MCFD2: variants seen among roughly 807,000 people sequenced by gnomAD.
MCFD2 encodes multiple coagulation factor deficiency protein 2.
Under a neutral mutation model 12.8 loss-of-function variants are expected in MCFD2, and 11 were observed. That is an observed-to-expected ratio of 0.86 (90% CI 0.54 to 1.42). The LOEUF (loss-of-function observed/expected upper bound fraction) is 1.42, where lower values mean the gene tolerates loss of function less well. MCFD2 is among the 40% of genes most tolerant of loss of function. MCFD2 has a pLI of 0.00. For missense variants in MCFD2, 191 were observed against 178.6 expected (o/e 1.07, Z -0.40); for synonymous variants, 70 against 68.1 (o/e 1.03, Z -0.14).
Position 46,907,828 on chromosome 2 carries a change from G to A in MCFD2, c.291C>T (p.Ile97=). 1 of 1,614,178 alleles carries A rather than the reference G, an allele frequency of 6.2e-7. No individual in the cohort carries two copies. The highest frequency in any genetic ancestry group is 8.5e-7 in the Non-Finnish European group (1 of 1,180,034). Residue 97 remains isoleucine (I), a synonymous_variant, in exon 3 of 4, where the codon ATC becomes ATT. Transcript: ENST00000319466. The surrounding 1 kb of genome is among the most constrained non-coding windows in gnomAD (Gnocchi z 4.1). ...GACCTACCTCCTTATGGACATGAGT[G>A]ATGGCTGTGGAGAGTTCTAAGCCAT... ...LLDGLELSTA[I]THVHKEEGSE...
chr2:46,934,789 T>C (rs9917182), intron 1 of MCFD2, among the ~76,000 whole-genome samples: 14,603 of 36,692 alleles, frequency 0.4, 1,671 homozygotes, highest in East Asian at 0.54. Flanking sequence ...CTACTGCTCT[T>C]TTTTTTTTTT....
intron 1 of MCFD2, among the ~76,000 whole-genome samples, chr2:46,939,010 C>CAAA (rs1190579295): frequency 2.6e-5 from 2 of 76,990 alleles, no homozygotes; most frequent in African/African-American, 4.4e-5. Context: ...GACTCTGTCT[C>CAAA]AAAAAAAAAA....
upstream of MCFD2, among the ~76,000 whole-genome samples, chr2:46,920,112 C>T (rs955080827): frequency 6.6e-6 from 1 of 152,178 alleles, no homozygotes; most frequent in Non-Finnish European, 1.5e-5. Context: ...TCAAAGCACA[C>T]ATCACTCCTA....
rs926500408 is a variant in MCFD2, at chr2:46,904,388, A to C, written c.*1075T>G. ...GATCCACCAACAGCTTGCACCGTGC[A>C]CCTGGAAAAGCCGCAGGCACTGAAC... On this transcript the variant is annotated 3_prime_UTR_variant, in exon 4 of 4. Transcript: ENST00000319466. 23 of 156,730 alleles carry C rather than the reference A, an allele frequency of 1.5e-4. No individual in the cohort carries two copies. Among genetic ancestry groups the C allele is most frequent in the African/African-American group, 5.1e-4 (21 of 41,520 alleles). The allele number at this position is 156,730 out of a possible 1,614,324, so 9.7% of individuals were successfully genotyped here. A position where few individuals can be genotyped will look rare whatever the true frequency, so the allele number is the denominator to read the frequency against.
chr2:46,937,484 GT>G lies in MCFD2; in HGVS notation c.-8+4087del, dbSNP rs1670038954. On this transcript the variant is annotated intron_variant, in intron 1 of 2. Coordinates refer to the MCFD2 transcript ENST00000409147. The surrounding 1 kb of genome is among the most constrained non-coding windows in gnomAD (Gnocchi z 4.0). ...CAAGGCCTAAATGGGACTTCGAATTGTTTTAGGAACATATCATCCAGAGCAG... is the reference window on the plus strand; with the variant it reads ...CAAGGCCTAAATGGGACTTCGAATTGTTTAGGAACATATCATCCAGAGCAG... 6.6e-6 allele frequency among the ~76,000 whole-genome samples: 1 copy of G among 152,164 alleles called. No individual in the cohort carries two copies. Among genetic ancestry groups the G allele is most frequent in the African/African-American group, 2.4e-5 (1 of 41,428 alleles).
upstream of MCFD2, chr2:46,915,872 G>A (rs981812078): frequency 1.7e-5 from 16 of 967,506 alleles, no homozygotes; most frequent in African/African-American, 2.4e-4. Flanking sequence ...GCCCATTGGC[G>A]CCGCCGGGCC....
At position 46,940,517 on chromosome 2, in the gene MCFD2, T is replaced by C. The variant is rs1444614799; in HGVS notation, c.-8+1055A>G. Among the ~76,000 whole-genome samples, 2 of 152,196 alleles carry C rather than the reference T, an allele frequency of 1.3e-5. No individual in the cohort carries two copies. The highest frequency in any genetic ancestry group is 4.1e-4 in the South Asian group (2 of 4,828). ...CCCACAGCCCTGGGCTAAACCCTGC[T>C]AAGCACTCCATAGAGCTTTGATCAC... On this transcript the variant is annotated intron_variant, in intron 1 of 2. Coordinates refer to the MCFD2 transcript ENST00000409147. This position sits in a 1 kb window ranked among gnomAD's most constrained non-coding sequence, Gnocchi z 4.7.
Position 46,915,805 on chromosome 2 carries a change from C to CGGGGGGGGGGGGGGGGGGGGGGGGGGG in MCFD2, c.-90_-89insCCCCCCCCCCCCCCCCCCCCCCCCCCC. The CGGGGGGGGGGGGGGGGGGGGGGGGGGG allele has an allele frequency of 1.6e-5, 6 of 368,314 alleles. No individual in the cohort carries two copies. The highest frequency in any genetic ancestry group is 1.8e-5 in the Non-Finnish European group (6 of 327,196). 22.8% of individuals were successfully genotyped at this position (368,314 alleles called of 1,614,324 possible). ...TCCCCAAAACGCTCTTCCTCGGCTT[C>CGGGGGGGGGGGGGGGGGGGGGGGGGGG]GCCCCGCCCCCCCCCCCCCCCCGAC... On this transcript the variant is annotated 5_prime_UTR_variant, in exon 1 of 4. Coordinates refer to ENST00000319466, the MANE Select transcript of MCFD2 (RefSeq NM_139279.6).
Position 46,922,906 on chromosome 2 carries a change from G to A in MCFD2, c.-7-14937C>T, listed in dbSNP as rs1049337173. 7.2e-5 allele frequency among the ~76,000 whole-genome samples: 11 copies of A among 152,258 alleles called. No homozygotes were observed. In the South Asian group the frequency reaches 2.1e-3, roughly 29 times the overall value. On this transcript the variant is annotated intron_variant, in intron 1 of 2. Coordinates refer to the MCFD2 transcript ENST00000409147. ...AACAGCCCTCTCTTTCCCACCAGTC[G>A]CAAGTCCAAGGCCCCTAAAACATCT...
Position 46,907,656 on chromosome 2 carries a change from C to T in MCFD2, c.309+154G>A, listed in dbSNP as rs1668299724. On this transcript the variant is annotated intron_variant, in intron 3 of 3. Transcript: ENST00000319466. This position sits in a 1 kb window ranked among gnomAD's most constrained non-coding sequence, Gnocchi z 4.1. ...AAGTGATCCTTCCACTTTGGCCTCC[C>T]AAAGTGCTGGGATTACAGATGCGAG... The T allele has an allele frequency of 3.5e-6, 3 of 846,574 alleles. No individual in the cohort carries two copies. The highest frequency in any genetic ancestry group is 4.0e-5 in the Admixed American group (2 of 49,692). 52.4% of individuals were successfully genotyped at this position (846,574 alleles called of 1,614,324 possible). A position where few individuals can be genotyped will look rare whatever the true frequency, so the allele number is the denominator to read the frequency against.
intron 1 of MCFD2, among the ~76,000 whole-genome samples, chr2:46,931,803 A>AT (rs779329389): frequency 6.6e-6 from 1 of 152,244 alleles, no homozygotes; most frequent in Non-Finnish European, 1.5e-5. Flanking sequence ...GATTTAGTTC[A>AT]TAAGACCTAC....
intron 1 of MCFD2, among the ~76,000 whole-genome samples, chr2:46,926,839 T>C (rs769697759): frequency 6.6e-6 from 1 of 152,226 alleles, no homozygotes; most frequent in Non-Finnish European, 1.5e-5. Flanking sequence ...ACAGAGGTTG[T>C]TAAACACTGC....
upstream of MCFD2, among the ~76,000 whole-genome samples, chr2:46,917,748 C>T (rs979778299): frequency 2.0e-5 from 3 of 152,208 alleles, no homozygotes; most frequent in African/African-American, 4.8e-5. Context: ...CCATGCAAAT[C>T]TAGTGGTCTC....
chr2:46,903,624 T>C lies in MCFD2; in HGVS notation c.*1839A>G, dbSNP rs1668100036. 6.6e-6 allele frequency: 1 copy of C among 152,238 alleles called. No individual in the cohort carries two copies. Among genetic ancestry groups the C allele is most frequent in the African/African-American group, 2.4e-5 (1 of 41,448 alleles). 9.4% of individuals were successfully genotyped at this position (152,238 alleles called of 1,614,324 possible). A position where few individuals can be genotyped will look rare whatever the true frequency, so the allele number is the denominator to read the frequency against. On this transcript the variant is annotated 3_prime_UTR_variant, in exon 4 of 4. Coordinates refer to ENST00000319466, the MANE Select transcript of MCFD2 (RefSeq NM_139279.6). ...ACTGGAGTAAAGGTGACTCTTGTTA[T>C]GTTTTAGCAAAGAGACTGGCAGCAT...
At chr2:46,912,343 A>T (rs553790497) in intron 1 of MCFD2, among the ~76,000 whole-genome samples, 22 of 152,320 alleles carry the variant, frequency 1.4e-4, no homozygotes, top group African/African-American at 4.6e-4. Flanking sequence ...TCTCAAAAAA[A>T]TTTTTTAAAC....
In MCFD2 at chr2:46,903,401, T is replaced by C. The variant is rs1668090500; in HGVS notation, c.*2062A>G. On this transcript the variant is annotated 3_prime_UTR_variant, in exon 4 of 4. Transcript: ENST00000319466. ...GGACCTGCTGAAGAAATACCCAAAA[T>C]GTGGAAGTGACTTTGGAACTGGGTA... The C allele has an allele frequency of 1.3e-5, 2 of 152,708 alleles. No individual in the cohort carries two copies. The highest frequency in any genetic ancestry group is 2.9e-5 in the Non-Finnish European group (2 of 68,454). The allele number at this position is 152,708 out of a possible 1,614,324, so 9.5% of individuals were successfully genotyped here.
At position 46,941,068 on chromosome 2, in the gene MCFD2, G is replaced by A. The variant is rs1270716846; in HGVS notation, c.-8+504C>T. 2.0e-5 allele frequency: 3 copies of A among 149,698 alleles called. No homozygotes were observed. In the South Asian group the frequency reaches 5.5e-4, roughly 27 times the overall value. 9.3% of individuals were successfully genotyped at this position (149,698 alleles called of 1,614,324 possible). A position where few individuals can be genotyped will look rare whatever the true frequency, so the allele number is the denominator to read the frequency against. On this transcript the variant is annotated intron_variant, in intron 1 of 2. Transcript: ENST00000409147. The surrounding 1 kb of genome is among the most constrained non-coding windows in gnomAD (Gnocchi z 4.2). ...GGGCGGCGGCGGGGGGCGGGTACCC[G>A]GGCGGCCGCGAGCGCCCTTCGCGCG...
chr2:46,909,499 C>G (rs1029763637), intron 1 of MCFD2, among the ~76,000 whole-genome samples: 4 of 152,040 alleles, frequency 2.6e-5, no homozygotes, highest in Admixed American at 6.5e-5. Context: ...TATTTTCTAT[C>G]AAGAGCACCA....
intron 1 of MCFD2, among the ~76,000 whole-genome samples, chr2:46,928,849 G>A (rs1006488020): frequency 6.6e-5 from 10 of 152,102 alleles, no homozygotes; most frequent in Non-Finnish European, 1.3e-4. Flanking sequence ...GGGTAGGGGG[G>A]GAAGCTTTAA....
Sources: allele counts gnomAD v4.1 joint callset (sites outside exome capture counted in the v4.1 genomes callset), GRCh38; gene constraint gnomAD v4.1.1; non-coding constraint Gnocchi (gnomAD v3.1); transcripts MANE v1.5; gene names NCBI Gene and HGNC (gene_info 2026-07-23, HGNC 2026-07-21).